The following ARVCF variants were observed in gnomAD, a reference collection of about 807,000 sequenced individuals.
The protein encoded by ARVCF is ARVCF delta catenin family member, also known as splicing regulator ARVCF.
Under a neutral mutation model 90.9 loss-of-function variants are expected in ARVCF, and 66 were observed. That is an observed-to-expected ratio of 0.73 (90% confidence interval 0.60 to 0.89). The LOEUF (loss-of-function observed/expected upper bound fraction) is 0.89. Among genes scored for constraint, ARVCF ranks in the 40% least tolerant of loss-of-function variants. ARVCF has a pLI of 0.00. For synonymous variants in ARVCF, 653 were observed against 603.4 expected (o/e 1.08, Z -1.21); for missense variants, 1,469 against 1,382.3 (o/e 1.06, Z -1.00).
chr22:19,997,632 C>A (rs1012028523), intron 2 of ARVCF, among the ~76,000 whole-genome samples: 1 of 152,218 alleles, frequency 6.6e-6, no homozygotes, highest in Non-Finnish European at 1.5e-5. Context: ...GGGCCACATT[C>A]TCTGGGCTCC....
At chr22:19,988,385 A>C (rs1943901386) in intron 3 of ARVCF, among the ~76,000 whole-genome samples, 1 of 152,214 alleles carries the variant, frequency 6.6e-6, no homozygotes, top group Non-Finnish European at 1.5e-5. Flanking sequence ...TCTTATCTTT[A>C]AGCTGGCTCC....
intron 2 of ARVCF, among the ~76,000 whole-genome samples, chr22:19,996,032 T>A (rs970802753): frequency 1.3e-5 from 2 of 152,146 alleles, no homozygotes; most frequent in African/African-American, 4.8e-5. Flanking sequence ...GCCCCTACTG[T>A]GGTCAGATGG....
rs1292575573 is a variant in ARVCF at position 19,982,103 on chromosome 22, AGGGACATTG to A, written c.211-21_211-13del. ...CCTGGGCTCTGCTCCTGGGGCAAGG[AGGGACATTG>A]GTGGGCAGGCCTGCTGCTCAGTCAC... On this transcript the variant is annotated splice_polypyrimidine_tract_variant and intron_variant, in intron 3 of 19. Transcript: ENST00000263207. The A allele has an allele frequency of 1.9e-6, 3 of 1,609,296 alleles. No individual in the cohort carries two copies. Among genetic ancestry groups the A allele is most frequent in the Non-Finnish European group, 1.7e-6 (2 of 1,179,736 alleles).
rs939624594 is a variant in ARVCF at position 19,977,675 on chromosome 22, G to A, written c.1699-89C>T. 3.8e-5 allele frequency: 55 copies of A among 1,454,680 alleles called. No individual in the cohort carries two copies. In the African/African-American group the frequency reaches 7.3e-4, roughly 19 times the overall value. The allele number at this position is 1,454,680 out of a possible 1,614,324, so 90.1% of individuals were successfully genotyped here. A position where few individuals can be genotyped will look rare whatever the true frequency, so the allele number is the denominator to read the frequency against. ...ACTGGCCACAGCTGGTGTGCATGAG[G>A]GCACCGGGAGCAAAGGAACAGGGAG... On this transcript the variant is annotated intron_variant, in intron 8 of 19. Coordinates refer to ENST00000263207, the MANE Select transcript of ARVCF (RefSeq NM_001670.3).
At chr22:19,968,848 C>T, downstream of ARVCF, 2 of 1,031,804 alleles carry the variant, frequency 1.9e-6, no homozygotes. Context: ...ATGCAAAGCA[C>T]ACCTCGGCCG....
chr22:19,970,742 C>T lies in ARVCF; in HGVS notation c.*14G>A, dbSNP rs1942712625. 7.7e-7 allele frequency: 1 copy of T among 1,290,600 alleles called. No individual in the cohort carries two copies. The highest frequency in any genetic ancestry group is 1.0e-6 in the Non-Finnish European group (1 of 989,530). 79.9% of individuals were successfully genotyped at this position (1,290,600 alleles called of 1,614,324 possible). ...CTAAGAACAAGAGGCTGGGCCTGGG[C>T]CCTGCAGAGGGAAAGGGGATGGTGG... On this transcript the variant is annotated splice_region_variant and 3_prime_UTR_variant, in exon 20 of 20. Coordinates refer to ENST00000263207, the MANE Select transcript of ARVCF (RefSeq NM_001670.3).
In ARVCF at chr22:19,980,200, G is replaced by A. The variant is rs543090984; in HGVS notation, c.939C>T (p.Asp313=). 6.0e-5 allele frequency: 93 copies of A among 1,550,128 alleles called. No individual in the cohort carries two copies. Among genetic ancestry groups the A allele is most frequent in the Middle Eastern group, 3.7e-4 (2 of 5,392 alleles). Residue 313 remains aspartate (D), a synonymous_variant, in exon 6 of 20, where the codon GAC becomes GAT. Transcript: ENST00000263207. Reference sequence around the variant, plus strand: ...TCACCATTGGGAACGCAGGCCGCTCGTCCGCCAGCTCGCCGCCATCATCTG... The same window carrying A: ...TCACCATTGGGAACGCAGGCCGCTCATCCGCCAGCTCGCCGCCATCATCTG... ...DTADDGGELA[D]ERPAFPMVTA...
chr22:19,978,990 G>C lies in ARVCF; in HGVS notation c.1487C>G (p.Pro496Arg). 2 of 1,613,394 alleles carry C rather than the reference G, an allele frequency of 1.2e-6. No individual in the cohort carries two copies. The highest frequency in any genetic ancestry group is 1.7e-6 in the Non-Finnish European group (2 of 1,179,948). Residue 496 changes from proline (P) to arginine (R), a missense_variant, in exon 7 of 20, where the codon CCC becomes CGC. Pro to Arg is a moderately radical substitution (Grantham distance 103). Transcript: ENST00000263207. ...GGGCTCACGCTCCCATCCTGAGTGGGGCACGATCACCTCGTGGGTCAGCGT... is the reference window on the plus strand; with the variant it reads ...GGGCTCACGCTCCCATCCTGAGTGGCGCACGATCACCTCGTGGGTCAGCGT... ...LQTLTHEVIV[P>R]HSGWEREPNE... is the part of the protein sequence containing the mutation.
intron 6 of ARVCF, chr22:19,979,307 C>T: frequency 1.7e-6 from 1 of 575,556 alleles, no homozygotes; most frequent in South Asian, 2.2e-5. Context: ...GCAGTGCTGT[C>T]CCGTCCCACC....
chr22:19,973,089 C>T (rs1373004846), intron 14 of ARVCF, 30 bp downstream of exon 14: 1 of 1,598,630 alleles, frequency 6.3e-7, no homozygotes, highest in South Asian at 1.1e-5. Flanking sequence ...CTCCGCGGCT[C>T]CCCAAGCCAC....
rs1942754631 is a variant in ARVCF, at chr22:19,971,237, G to A, written c.2880C>T (p.Ser960=). The change falls in exon 19 of 20, where the codon TCC becomes TCT. Residue 960 remains serine, a synonymous_variant. Transcript: ENST00000263207. The part of the protein sequence containing the change: ...VGDAKPQPVD[S]WV Reference sequence around the variant, plus strand: ...GTACCAGGCATGCAAGCTAGACCCAGGAATCAACGGGCTGAGGCTTAGCGT... The same window carrying A: ...GTACCAGGCATGCAAGCTAGACCCAAGAATCAACGGGCTGAGGCTTAGCGT... 2 of 1,554,532 alleles carry A rather than the reference G, an allele frequency of 1.3e-6. No homozygotes were observed. The highest frequency in any genetic ancestry group is 1.2e-5 in the South Asian group (1 of 84,316).
At chr22:19,980,486 G>T (rs1229958152) in intron 5 of ARVCF, 4 of 497,592 alleles carry the variant, frequency 8.0e-6, no homozygotes, top group Non-Finnish European at 1.3e-5. Context: ...AACCCTCCCA[G>T]GACAGCAAAC....
At chr22:19,973,077 A>G in intron 14 of ARVCF, 41 bp from the exon 15 acceptor site, 2 of 1,177,076 alleles carry the variant, frequency 1.7e-6, no homozygotes, top group Non-Finnish European at 2.4e-6. Context: ...CCCCTCCCCC[A>G]CCTCCGCGGC....
At chr22:20,006,722 C>T (rs935219889) in intron 2 of ARVCF, among the ~76,000 whole-genome samples, 4 of 151,466 alleles carry the variant, frequency 2.6e-5, no homozygotes, top group African/African-American at 9.7e-5. Context: ...ACTTCCGCCT[C>T]CTGGGTTCAA....
At chr22:19,973,403 G>C (rs1942959243) in intron 13 of ARVCF, 86 bp from the exon 14 acceptor site, 1 of 1,450,020 alleles carries the variant, frequency 6.9e-7, no homozygotes, top group Non-Finnish European at 9.2e-7. Flanking sequence ...GAGGGGCACT[G>C]CCAGGAGAGC....
At chr22:19,990,908 A>C in intron 2 of ARVCF, 96 bp from the exon 3 acceptor site, 13 of 1,233,126 alleles carry the variant, frequency 1.1e-5, no homozygotes, top group Non-Finnish European at 1.4e-5. Context: ...CATACAACTC[A>C]CTCCCAGACC....
In ARVCF at chr22:19,975,879, GC is replaced by G. The variant is rs1213532003; in HGVS notation, c.1889-123del. 8 of 969,856 alleles carry G rather than the reference GC, an allele frequency of 8.2e-6. No individual in the cohort carries two copies. In the East Asian group the frequency reaches 2.1e-4, roughly 25 times the overall value. The allele number at this position is 969,856 out of a possible 1,614,324, so 60.1% of individuals were successfully genotyped here. ...AAGGCACCCCCATGTCCAGGCCTGG[GC>G]ACCTGTGGGAGTGGAGCACCGTTGT... is the stretch of plus-strand genomic sequence containing the variant. On this transcript the variant is annotated intron_variant, in intron 10 of 19. Transcript: ENST00000263207.
At chr22:19,998,332 C>A (rs1944327772) in intron 2 of ARVCF, among the ~76,000 whole-genome samples, 1 of 152,244 alleles carries the variant, frequency 6.6e-6, no homozygotes, top group South Asian at 2.1e-4. Context: ...GACAGAGCCT[C>A]TTTGTGGTGA....
intron 2 of ARVCF, among the ~76,000 whole-genome samples, chr22:20,005,346 C>G (rs931979029): frequency 2.0e-5 from 3 of 151,300 alleles, no homozygotes; most frequent in Non-Finnish European, 4.4e-5. Flanking sequence ...TGAAATATCA[C>G]CTTACACCTA....
Sources: gnomAD v4.1 joint callset for allele counts (sites outside exome capture counted in the v4.1 genomes callset) on GRCh38, gnomAD v4.1.1 for gene constraint, MANE v1.5 for transcripts, NCBI Gene and HGNC (gene_info 2026-07-23, HGNC 2026-07-21) for gene names.